SEPTIN7: variants seen among roughly 807,000 people sequenced by gnomAD.
The protein encoded by SEPTIN7 is septin-7.
Under a neutral mutation model 63.3 loss-of-function variants are expected in SEPTIN7, and 10 were observed. The ratio of observed to expected loss-of-function variants is 0.16; its 90% CI spans 0.10 to 0.27. SEPTIN7 has a LOEUF of 0.27. Among genes scored for constraint, SEPTIN7 ranks in the 10% least tolerant of loss-of-function variants. SEPTIN7 has a pLI of 1.00. For missense variants in SEPTIN7, 310 were observed against 521.0 expected (o/e 0.59, Z 3.94); for synonymous variants, 131 against 165.3 (o/e 0.79, Z 1.59).
intron 6 of SEPTIN7, among the ~76,000 whole-genome samples, chr7:35,875,350 G>C (rs532373934): frequency 1.6e-3 from 240 of 152,136 alleles, no homozygotes; most frequent in African/African-American, 5.5e-3. Context: ...TGATATTGTG[G>C]ATTAAGTGAA....
intron 12 of SEPTIN7, 26 bp downstream of exon 12, chr7:35,898,409 T>C (rs1428686324): frequency 1.4e-6 from 2 of 1,433,934 alleles, no homozygotes; most frequent in Non-Finnish European, 1.9e-6. Context: ...TCCCATCTCT[T>C]AGCAGACATT....
At chr7:35,896,020 A>G (rs1787941736) in intron 11 of SEPTIN7, among the ~76,000 whole-genome samples, 1 of 152,174 alleles carries the variant, frequency 6.6e-6, no homozygotes, top group Non-Finnish European at 1.5e-5. Flanking sequence ...CATGTTGGCC[A>G]CGCTGGTTTC....
chr7:35,911,243 T>A (rs1314014485), downstream of SEPTIN7, among the ~76,000 whole-genome samples: 5 of 152,198 alleles, frequency 3.3e-5, no homozygotes, highest in Non-Finnish European at 7.3e-5. Flanking sequence ...GAGTATTCCT[T>A]CAATAAGGGC....
chr7:35,885,730 CTCT>C (rs970751932), intron 9 of SEPTIN7, 95 bp from the exon 10 acceptor site: 6 of 886,608 alleles, frequency 6.8e-6, no homozygotes, highest in African/African-American at 6.7e-5. Flanking sequence ...TTTGCATTTC[CTCT>C]TCTTGTTTTT....
At chr7:35,821,550 C>T (rs766596877) in intron 1 of SEPTIN7, among the ~76,000 whole-genome samples, 1 of 152,102 alleles carries the variant, frequency 6.6e-6, no homozygotes, top group South Asian at 2.1e-4. Context: ...CTATTATGAG[C>T]AGTGCTTTGT....
intron 1 of SEPTIN7, among the ~76,000 whole-genome samples, chr7:35,825,527 A>G (rs1184894793): frequency 6.6e-6 from 1 of 152,098 alleles, no homozygotes; most frequent in Non-Finnish European, 1.5e-5. Context: ...ATAGGATGAA[A>G]CACCCTTCCT....
At chr7:35,881,182 G>GT (rs1182487083) in intron 7 of SEPTIN7, among the ~76,000 whole-genome samples, 1 of 151,306 alleles carries the variant, frequency 6.6e-6, no homozygotes, top group Non-Finnish European at 1.5e-5. Flanking sequence ...TTAGTACATT[G>GT]TTTTTACTGT....
At chr7:35,804,827 C>CTTTTTTTT (rs1295875115) in intron 1 of SEPTIN7, among the ~76,000 whole-genome samples, 1 of 123,636 alleles carries the variant, frequency 8.1e-6, no homozygotes, top group African/African-American at 3.2e-5. Context: ...AAGCGTGTTT[C>CTTTTTTTT]TTTTTTTGTT....
chr7:35,837,195 G>A (rs1310689438), intron 3 of SEPTIN7, among the ~76,000 whole-genome samples: 4 of 152,020 alleles, frequency 2.6e-5, no homozygotes, highest in Admixed American at 2.0e-4. Context: ...AAAGCAAAAC[G>A]AAAATAAATA....
At chr7:35,836,198 C>A (rs1294539240) in intron 3 of SEPTIN7, among the ~76,000 whole-genome samples, 1 of 149,812 alleles carries the variant, frequency 6.7e-6, no homozygotes, top group Non-Finnish European at 1.5e-5. Context: ...GTGAAGTTGT[C>A]TAACCTGTTT....
intron 3 of SEPTIN7, among the ~76,000 whole-genome samples, chr7:35,841,829 A>C (rs1383166140): frequency 6.6e-6 from 1 of 152,196 alleles, no homozygotes; most frequent in Non-Finnish European, 1.5e-5. Flanking sequence ...TCATCTTGGC[A>C]AGGAAGACTG....
intron 10 of SEPTIN7, among the ~76,000 whole-genome samples, chr7:35,886,784 T>C (rs982260888): frequency 6.6e-6 from 1 of 152,180 alleles, no homozygotes; most frequent in Non-Finnish European, 1.5e-5. Flanking sequence ...ATATGGATAA[T>C]AGTTGGAAAT....
chr7:35,844,590 A>G (rs1784563545), intron 3 of SEPTIN7, among the ~76,000 whole-genome samples: 1 of 137,460 alleles, frequency 7.3e-6, no homozygotes, highest in Admixed American at 7.0e-5. Context: ...CCTTTTCACA[A>G]CAAATATTTA....
rs139873009 is a variant in SEPTIN7 at position 35,825,678 on chromosome 7, A to G, written c.62-5814A>G. On this transcript the variant is annotated intron_variant, in intron 1 of 13. Transcript: ENST00000350320. ...AGGGATCTTGTTTTTATTAGCTTTT[A>G]TATTCCTGTTTACTAGAACACACAT... 1.7e-4 allele frequency among the ~76,000 whole-genome samples: 26 copies of G among 152,230 alleles called. No homozygotes were observed. The East Asian group carries it at 5.0e-3, about 29-fold the overall frequency.
chr7:35,859,461 CTGCTGTTGT>C (rs1485335348), intron 3 of SEPTIN7, among the ~76,000 whole-genome samples: 1 of 152,196 alleles, frequency 6.6e-6, no homozygotes, highest in African/African-American at 2.4e-5. Flanking sequence ...AGTGTGTAGA[CTGCTGTTGT>C]TGGATGCAGT....
intron 3 of SEPTIN7, among the ~76,000 whole-genome samples, chr7:35,845,667 A>G (rs547735094): frequency 1.8e-4 from 27 of 152,294 alleles, no homozygotes; most frequent in Admixed American, 6.5e-4. Context: ...CAAGTTTTTT[A>G]TGTGATATGA....
At chr7:35,910,256 G>A (rs11977672), downstream of SEPTIN7, among the ~76,000 whole-genome samples, 3,040 of 152,300 alleles carry the variant, frequency 0.02, 96 homozygotes, top group African/African-American at 0.067. Context: ...AGCTGTACAA[G>A]AGCGGGCGTA....
chr7:35,907,474 ATAAGT>A (rs1401634420), downstream of SEPTIN7, among the ~76,000 whole-genome samples: 2 of 152,118 alleles, frequency 1.3e-5, no homozygotes, highest in African/African-American at 2.4e-5. Flanking sequence ...TAATAAATGA[ATAAGT>A]TAAACATCTT....
intron 4 of SEPTIN7, among the ~76,000 whole-genome samples, chr7:35,870,310 C>A (rs549098770): frequency 6.6e-6 from 1 of 152,072 alleles, no homozygotes; most frequent in African/African-American, 2.4e-5. Flanking sequence ...AGGGAAATAT[C>A]TTAAAATTTA....
Sources: gnomAD v4.1 joint callset for allele counts (sites outside exome capture counted in the v4.1 genomes callset) on GRCh38, gnomAD v4.1.1 for gene constraint, MANE v1.5 for transcripts, NCBI Gene and HGNC (gene_info 2026-07-23, HGNC 2026-07-21) for gene names.